MSRA: variants seen among roughly 807,000 people sequenced by gnomAD.
MSRA encodes mitochondrial peptide methionine sulfoxide reductase.
MSRA carries 54 observed loss-of-function variants against 31.3 expected under a neutral mutation model. That is an observed-to-expected ratio of 1.73 (90% CI 1.39 to 2.17). The LOEUF (loss-of-function observed/expected upper bound fraction) is 2.17. Ranked by LOEUF, MSRA falls within the 30% of genes most tolerant of loss-of-function variation. The probability of loss-of-function intolerance (pLI) is 0.00; values close to 1 mark genes in which losing one functional copy is unlikely to be tolerated. For missense variants in MSRA, 507 were observed against 300.9 expected (o/e 1.69, Z -5.07); for synonymous variants, 169 against 116.5 (o/e 1.45, Z -2.90).
chr8:10,185,305 T>A lies in MSRA; in HGVS notation c.143-22528T>A, dbSNP rs533171567. Among the ~76,000 whole-genome samples, 7 of 152,296 alleles carry A rather than the reference T, an allele frequency of 4.6e-5. No individual in the cohort carries two copies. The South Asian group carries it at 1.4e-3, about 32-fold the overall frequency. On this transcript the variant is annotated intron_variant, in intron 1 of 5. Coordinates refer to ENST00000317173, the MANE Select transcript of MSRA (RefSeq NM_012331.5). The stretch of plus-strand genomic sequence containing the variant: ...ATTACTCTGAGTCCCAGGAATCTCA[T>A]TTAGTTCTCCCTCAGCAGCTGGAAG...
intron 3 of MSRA, among the ~76,000 whole-genome samples, chr8:10,246,868 A>G (rs551447737): frequency 6.6e-6 from 1 of 152,186 alleles, no homozygotes; most frequent in African/African-American, 2.4e-5. Flanking sequence ...ATGCATAGCT[A>G]TAAATAGACT....
chr8:10,365,084 T>G (rs553776823), intron 5 of MSRA, among the ~76,000 whole-genome samples: 2 of 150,162 alleles, frequency 1.3e-5, no homozygotes, highest in East Asian at 1.9e-4. Context: ...GGAAGCAAAA[T>G]TAGAAGCTTT....
chr8:10,252,977 G>C (rs2129087573), intron 3 of MSRA, among the ~76,000 whole-genome samples: 1 of 152,302 alleles, frequency 6.6e-6, no homozygotes, highest in South Asian at 2.1e-4. Flanking sequence ...CTGATAGGTA[G>C]TTCAAAGTTG....
At chr8:10,351,936 A>G (rs1211316580) in intron 5 of MSRA, among the ~76,000 whole-genome samples, 1 of 152,254 alleles carries the variant, frequency 6.6e-6, no homozygotes, top group East Asian at 1.9e-4. Context: ...TAATGAGAAG[A>G]GAACCCAGCT....
chr8:10,307,041 C>G (rs1054790879), intron 4 of MSRA, among the ~76,000 whole-genome samples: 8 of 152,162 alleles, frequency 5.3e-5, no homozygotes, highest in Non-Finnish European at 1.2e-4. Flanking sequence ...CCAAAAGACT[C>G]ATAATCTTGC....
At chr8:10,406,723 G>C (rs1030081840) in intron 5 of MSRA, among the ~76,000 whole-genome samples, 6 of 152,188 alleles carry the variant, frequency 3.9e-5, no homozygotes, top group African/African-American at 1.4e-4. Context: ...CTCTGTGCTT[G>C]TTCCTTTGAT....
intron 5 of MSRA, among the ~76,000 whole-genome samples, chr8:10,328,115 A>T (rs1802482354): frequency 7.7e-6 from 1 of 130,654 alleles, no homozygotes; most frequent in Non-Finnish European, 1.5e-5. Context: ...TACCCTCTGG[A>T]CTCCAGATCC....
chr8:10,222,622 C>T (rs576829862), intron 2 of MSRA, among the ~76,000 whole-genome samples: 81 of 152,032 alleles, frequency 5.3e-4, no homozygotes, highest in Non-Finnish European at 1.1e-3. Flanking sequence ...TTAAAACCTG[C>T]GGTATATATA....
At chr8:10,203,296 T>C (rs1162745651) in intron 1 of MSRA, among the ~76,000 whole-genome samples, 2 of 152,170 alleles carry the variant, frequency 1.3e-5, no homozygotes, top group Admixed American at 6.5e-5. Context: ...AGGAGTGGAA[T>C]AGAGGAGTTC....
chr8:10,222,809 G>T (rs973457721), intron 2 of MSRA, among the ~76,000 whole-genome samples: 10 of 152,208 alleles, frequency 6.6e-5, no homozygotes, highest in South Asian at 4.1e-4. Context: ...AAAGCAGAGA[G>T]TACAATGATG....
chr8:10,199,540 G>A (rs980041301), intron 1 of MSRA, among the ~76,000 whole-genome samples: 19 of 151,822 alleles, frequency 1.3e-4, no homozygotes, highest in African/African-American at 4.1e-4. Context: ...GGATGGCGTC[G>A]CTCTCTTGAC....
At chr8:10,311,786 A>T (rs1801448668) in intron 4 of MSRA, among the ~76,000 whole-genome samples, 1 of 152,094 alleles carries the variant, frequency 6.6e-6, no homozygotes, top group African/African-American at 2.4e-5. Flanking sequence ...GCATGGTGGC[A>T]CATCCCTGTA....
chr8:10,306,684 C>T (rs919505698), intron 4 of MSRA, among the ~76,000 whole-genome samples: 1 of 152,150 alleles, frequency 6.6e-6, no homozygotes, highest in East Asian at 1.9e-4. Flanking sequence ...CATGGCTGGT[C>T]TGTATCCTCC....
At chr8:10,168,699 C>G (rs1009092606) in intron 1 of MSRA, among the ~76,000 whole-genome samples, 1 of 152,178 alleles carries the variant, frequency 6.6e-6, no homozygotes, top group Non-Finnish European at 1.5e-5. Flanking sequence ...GACCACACTT[C>G]TGTTTTCAGA....
At chr8:10,143,624 T>C (rs1461447188) in intron 1 of MSRA, among the ~76,000 whole-genome samples, 3 of 152,042 alleles carry the variant, frequency 2.0e-5, no homozygotes. Context: ...AAGCAGCAAA[T>C]GCAAGCTGAA....
chr8:10,323,291 T>A (rs894253243), intron 5 of MSRA, among the ~76,000 whole-genome samples: 5 of 152,030 alleles, frequency 3.3e-5, no homozygotes, highest in Non-Finnish European at 7.4e-5. Context: ...TATTTATAAC[T>A]ACTACTAAAA....
chr8:10,071,251 A>G (rs910788336), intron 1 of MSRA, among the ~76,000 whole-genome samples: 2 of 152,144 alleles, frequency 1.3e-5, no homozygotes, highest in African/African-American at 4.8e-5. Context: ...TCGTTGGTGG[A>G]TAAGGATGTT....
At chr8:10,277,683 T>C (rs2004679) in intron 3 of MSRA, among the ~76,000 whole-genome samples, 43,745 of 152,088 alleles carry the variant, frequency 0.29, 6,843 homozygotes, top group African/African-American at 0.36. Flanking sequence ...ATATACTTAA[T>C]TGCTTATCAT....
chr8:10,353,679 G>GT (rs1196963265), intron 5 of MSRA: 1 of 456,094 alleles, frequency 2.2e-6, no homozygotes, highest in Non-Finnish European at 4.4e-6. Flanking sequence ...GGGAAGATGA[G>GT]TATAGGGACT....
Sources: allele counts gnomAD v4.1 joint callset (sites outside exome capture counted in the v4.1 genomes callset), GRCh38; gene constraint gnomAD v4.1.1; transcripts MANE v1.5; gene names NCBI Gene and HGNC (gene_info 2026-07-23, HGNC 2026-07-21).